The following ESRRB variants were observed in gnomAD, a reference collection of about 807,000 sequenced individuals.
ESRRB encodes estrogen related receptor beta.
ESRRB carries 16 observed loss-of-function variants against 46.0 expected under a neutral mutation model. The observed-to-expected ratio is 0.35, with a 90% CI of 0.24 to 0.53. ESRRB has a LOEUF of 0.53. Among genes scored for constraint, ESRRB ranks in the 20% least tolerant of loss-of-function variants. ESRRB has a pLI of 0.93. For missense variants in ESRRB, 488 were observed against 607.4 expected, an observed-to-expected ratio of 0.80 and a Z score of 2.07; for synonymous variants, 246 against 259.6, an observed-to-expected ratio of 0.95 and a Z score of 0.50.
upstream of ESRRB, among the ~76,000 whole-genome samples, chr14:76,374,410 C>T (rs147383350): frequency 6.6e-6 from 1 of 152,244 alleles, no homozygotes; most frequent in East Asian, 1.9e-4. Context: ...GACTGGGGCC[C>T]AGAGGGAAAG....
At chr14:76,412,855 C>G (rs1367401797) in intron 1 of ESRRB, among the ~76,000 whole-genome samples, 1 of 152,266 alleles carries the variant, frequency 6.6e-6, no homozygotes, top group Non-Finnish European at 1.5e-5. Context: ...GTGGCTCAGG[C>G]CTCTAATCCA....
At chr14:76,463,983 A>G (rs914904185) in intron 3 of ESRRB, among the ~76,000 whole-genome samples, 2 of 152,156 alleles carry the variant, frequency 1.3e-5, no homozygotes, top group African/African-American at 4.8e-5. Flanking sequence ...GATTACAGGC[A>G]TGAGCCACTA....
intron 1 of ESRRB, among the ~76,000 whole-genome samples, chr14:76,321,223 A>G (rs1883863030): frequency 6.6e-6 from 1 of 152,110 alleles, no homozygotes; most frequent in Admixed American, 6.5e-5. Context: ...ATTCCTTTAT[A>G]TATTGAACCC....
At chr14:76,464,282 C>A (rs182131759) in intron 3 of ESRRB, among the ~76,000 whole-genome samples, 66 of 152,316 alleles carry the variant, frequency 4.3e-4, no homozygotes, top group African/African-American at 1.5e-3. Context: ...GGAAGCCCAG[C>A]CCAGCCTTGG....
At chr14:76,485,404 A>AT (rs199913144) in intron 5 of ESRRB, among the ~76,000 whole-genome samples, 1,523 of 150,220 alleles carry the variant, frequency 0.01, 21 homozygotes, top group East Asian at 0.014. Flanking sequence ...CCCCTGGCTA[A>AT]TTTTTTTTTC....
At chr14:76,370,624 A>G (rs2139780511), upstream of ESRRB, among the ~76,000 whole-genome samples, 1 of 152,028 alleles carries the variant, frequency 6.6e-6, no homozygotes, top group African/African-American at 2.4e-5. Context: ...TCTCCCCCTG[A>G]TCTCCCTTCT....
At chr14:76,409,895 T>C (rs952878396) in intron 1 of ESRRB, among the ~76,000 whole-genome samples, 1 of 152,168 alleles carries the variant, frequency 6.6e-6, no homozygotes, top group African/African-American at 2.4e-5. Flanking sequence ...GCATGTCTCA[T>C]GGTTTTACCC....
chr14:76,498,644 G>GTGGGGT lies in ESRRB; in HGVS notation c.*186_*187insTGGGGT. 1 of 462,808 alleles carries GTGGGGT rather than the reference G, an allele frequency of 2.2e-6. No homozygotes were observed. Among genetic ancestry groups the GTGGGGT allele is most frequent in the Non-Finnish European group, 4.2e-6 (1 of 240,398 alleles). 28.7% of individuals were successfully genotyped at this position (462,808 alleles called of 1,614,324 possible). On this transcript the variant is annotated 3_prime_UTR_variant, in exon 7 of 7. Coordinates refer to ENST00000644823, the MANE Select transcript of ESRRB (RefSeq NM_001379180.1). ...CGGGTGCAGTGGGGTGGGGGACGGG[G>GTGGGGT]ATGGGGGGGCAGGGGTGTGGGGCTC...
At chr14:76,468,076 G>C (rs990050566) in intron 3 of ESRRB, among the ~76,000 whole-genome samples, 1 of 152,158 alleles carries the variant, frequency 6.6e-6, no homozygotes, top group Non-Finnish European at 1.5e-5. Context: ...AATTGTGTTA[G>C]TGGCCAGCTC....
chr14:76,408,893 T>C, intron 1 of ESRRB, among the ~76,000 whole-genome samples: 1 of 152,206 alleles, frequency 6.6e-6, no homozygotes. Context: ...GGCATTGTTC[T>C]GAACATATTA....
At chr14:76,354,125 C>T (rs1270588519) in intron 1 of ESRRB, among the ~76,000 whole-genome samples, 1 of 151,846 alleles carries the variant, frequency 6.6e-6, no homozygotes, top group Non-Finnish European at 1.5e-5. Context: ...CATCCACATA[C>T]CCTGACCTCT....
intron 1 of ESRRB, among the ~76,000 whole-genome samples, chr14:76,317,550 T>C (rs547885298): frequency 1.3e-5 from 2 of 152,234 alleles, no homozygotes; most frequent in African/African-American, 4.8e-5. Flanking sequence ...CTCATAGATT[T>C]TCTTTGCTAC....
At chr14:76,366,779 C>T (rs1052209005), upstream of ESRRB, among the ~76,000 whole-genome samples, 8 of 152,154 alleles carry the variant, frequency 5.3e-5, no homozygotes, top group Non-Finnish European at 1.0e-4. Context: ...CACCATTAAC[C>T]TGAACATCCT....
At chr14:76,367,249 C>T (rs1380470081), upstream of ESRRB, among the ~76,000 whole-genome samples, 1 of 151,518 alleles carries the variant, frequency 6.6e-6, no homozygotes, top group Admixed American at 6.6e-5. Flanking sequence ...TTCTGGAAAG[C>T]TTATAAAGAA....
At chr14:76,411,316 C>T (rs567051197) in intron 1 of ESRRB, among the ~76,000 whole-genome samples, 135 of 151,930 alleles carry the variant, frequency 8.9e-4, no homozygotes, top group Non-Finnish European at 1.1e-3. Context: ...GGCATGGTGG[C>T]GGGCACCTGT....
At chr14:76,361,952 C>G (rs1884469859) in intron 1 of ESRRB, among the ~76,000 whole-genome samples, 2 of 152,160 alleles carry the variant, frequency 1.3e-5, no homozygotes, top group Admixed American at 1.3e-4. Context: ...GGAATAGGAG[C>G]CTTATGAGCT....
chr14:76,420,122 G>T (rs770158649), intron 1 of ESRRB, among the ~76,000 whole-genome samples: 10 of 152,142 alleles, frequency 6.6e-5, no homozygotes, highest in Non-Finnish European at 1.3e-4. Flanking sequence ...TAACCCTTGA[G>T]TTACCTGTGA....
chr14:76,487,135 G>A (rs1220598396), intron 5 of ESRRB, among the ~76,000 whole-genome samples: 1 of 152,132 alleles, frequency 6.6e-6, no homozygotes, highest in African/African-American at 2.4e-5. Context: ...CAGTCCATGG[G>A]CTTATACCAT....
rs1884439918 is a variant in ESRRB, at chr14:76,359,641, G to A, written c.2+48725G>A. On this transcript the variant is annotated intron_variant, in intron 1 of 6. Coordinates refer to the ESRRB transcript ENST00000512784. ...CCAGACAGACCCCGATGGGTACACA[G>A]TAACCTCCTCTTGGAACCACCTGAG... Among the ~76,000 whole-genome samples the A allele has an allele frequency of 3.9e-5, 6 of 152,276 alleles. No individual in the cohort carries two copies. The South Asian group carries it at 1.2e-3, about 32-fold the overall frequency.
Sources: allele counts gnomAD v4.1 joint callset (sites outside exome capture counted in the v4.1 genomes callset), GRCh38; gene constraint gnomAD v4.1.1; transcripts MANE v1.5; gene names NCBI Gene and HGNC (gene_info 2026-07-23, HGNC 2026-07-21).